MIR2052HG: variants seen among roughly 807,000 people sequenced by gnomAD.
The protein encoded by MIR2052HG is MIR2052 host gene.
intron 4 of MIR2052HG, chr8:74,703,761 C>G: frequency 2.5e-6 from 1 of 398,900 alleles, no homozygotes; most frequent in Non-Finnish European, 5.0e-6. Context: ...GGTCCCCTTT[C>G]ATACCACCAT....
intron 1 of MIR2052HG, among the ~76,000 whole-genome samples, chr8:74,602,278 A>G (rs1808011585): frequency 1.3e-5 from 2 of 152,216 alleles, no homozygotes; most frequent in South Asian, 2.1e-4. Context: ...TTAGCATGCT[A>G]AAAGATACTC....
At chr8:74,726,910 T>C (rs1173004902) in intron 4 of MIR2052HG, among the ~76,000 whole-genome samples, 2 of 152,336 alleles carry the variant, frequency 1.3e-5, no homozygotes, top group Non-Finnish European at 2.9e-5. Flanking sequence ...CAACTCATAT[T>C]TTTATTAGTT....
At chr8:74,644,930 G>C (rs1480568713) in intron 2 of MIR2052HG, among the ~76,000 whole-genome samples, 1 of 151,964 alleles carries the variant, frequency 6.6e-6, no homozygotes, top group Non-Finnish European at 1.5e-5. Flanking sequence ...AAAAACAAAA[G>C]CAAACTAACA....
At chr8:74,702,998 C>T (rs1053281371) in intron 3 of MIR2052HG, among the ~76,000 whole-genome samples, 5 of 151,956 alleles carry the variant, frequency 3.3e-5, no homozygotes, top group Non-Finnish European at 5.9e-5. Flanking sequence ...AGTTCTGCAA[C>T]GTTTTGGATG....
chr8:74,602,043 A>G (rs553438201), intron 1 of MIR2052HG, among the ~76,000 whole-genome samples: 4 of 152,260 alleles, frequency 2.6e-5, no homozygotes, highest in East Asian at 3.9e-4. Flanking sequence ...GTCTGGGTAA[A>G]ATGAGACTGA....
At chr8:74,643,560 T>C (rs1808662161) in intron 2 of MIR2052HG, among the ~76,000 whole-genome samples, 1 of 152,212 alleles carries the variant, frequency 6.6e-6, no homozygotes, top group Non-Finnish European at 1.5e-5. Context: ...CCCAAAATGT[T>C]TTATTCTCTA....
chr8:74,754,666 C>T (rs751937047), intron 5 of MIR2052HG, among the ~76,000 whole-genome samples: 1 of 152,064 alleles, frequency 6.6e-6, no homozygotes, highest in Non-Finnish European at 1.5e-5. Flanking sequence ...GTGATGAAGG[C>T]GAGAAAGAGA....
At chr8:74,620,948 C>G (rs558274939) in intron 2 of MIR2052HG, among the ~76,000 whole-genome samples, 1 of 152,292 alleles carries the variant, frequency 6.6e-6, no homozygotes, top group African/African-American at 2.4e-5. Flanking sequence ...AACACTTTGC[C>G]ACTTAGAAAT....
intron 2 of MIR2052HG, among the ~76,000 whole-genome samples, chr8:74,690,477 C>G (rs918420766): frequency 1.3e-5 from 2 of 151,832 alleles, no homozygotes; most frequent in Non-Finnish European, 2.9e-5. Flanking sequence ...AACCCCGTCT[C>G]TACTAAAAAT....
Position 74,625,646 on chromosome 8 carries a change from C to T in MIR2052HG, n.216+12706C>T, listed in dbSNP as rs115500057. ...ATCTGTCCAAAATTCCAATAGATGC[C>T]ATTATCAAGAAATTGTTTACCCAAA... On this transcript the variant is annotated intron_variant and non_coding_transcript_variant, in intron 2 of 6. Coordinates refer to ENST00000523442, the Ensembl canonical transcript of MIR2052HG. Among the ~76,000 whole-genome samples, 1,279 of 152,178 alleles carry T rather than the reference C, an allele frequency of 8.4e-3. 14 individuals are homozygous for T. Among genetic ancestry groups the T allele is most frequent in the African/African-American group, 0.029 (1,196 of 41,526 alleles).
At chr8:74,748,214 C>T (rs567803923) in intron 4 of MIR2052HG, among the ~76,000 whole-genome samples, 1 of 152,298 alleles carries the variant, frequency 6.6e-6, no homozygotes, top group South Asian at 2.1e-4. Flanking sequence ...TGGCACTTTG[C>T]CTATGACTTG....
At chr8:74,603,234 G>T in intron 1 of MIR2052HG, 1 of 1,273,758 alleles carries the variant, frequency 7.9e-7, no homozygotes, top group Non-Finnish European at 1.1e-6. Context: ...TACACAGATG[G>T]ATCATGGGTG....
rs375702436 is a variant in MIR2052HG, at chr8:74,712,476, A to G, written n.371+8794A>G. Among the ~76,000 whole-genome samples the G allele has an allele frequency of 5.6e-4, 85 of 152,320 alleles. 1 individual carries two copies. In the East Asian group the frequency reaches 7.5e-3, roughly 13 times the overall value. ...GGAATATCTTATATTTAGTTTTAAT[A>G]TCTCTCTTGAGTAGGCAGGGGAAGT... On this transcript the variant is annotated intron_variant and non_coding_transcript_variant, in intron 4 of 6. Coordinates refer to ENST00000523442, the Ensembl canonical transcript of MIR2052HG.
chr8:74,644,499 C>T (rs1808670982), intron 2 of MIR2052HG, among the ~76,000 whole-genome samples: 1 of 152,134 alleles, frequency 6.6e-6, no homozygotes, highest in Non-Finnish European at 1.5e-5. Context: ...GACAAAATCA[C>T]CTATCAATGC....
chr8:74,743,175 C>T (rs1439306789), intron 4 of MIR2052HG, among the ~76,000 whole-genome samples: 1 of 151,408 alleles, frequency 6.6e-6, no homozygotes, highest in Non-Finnish European at 1.5e-5. Context: ...AGACTAAAAA[C>T]CACCTTAAAA....
At chr8:74,692,557 A>T (rs1377568338) in intron 2 of MIR2052HG, among the ~76,000 whole-genome samples, 1 of 152,190 alleles carries the variant, frequency 6.6e-6, no homozygotes, top group Non-Finnish European at 1.5e-5. Context: ...ACTGAAACAC[A>T]CTACTAGAAT....
intron 2 of MIR2052HG, among the ~76,000 whole-genome samples, chr8:74,629,350 T>G (rs951834652): frequency 1.3e-5 from 2 of 152,150 alleles, no homozygotes; most frequent in East Asian, 3.9e-4. Flanking sequence ...CATTAGAACT[T>G]TCAAAGTGAT....
intron 2 of MIR2052HG, among the ~76,000 whole-genome samples, chr8:74,678,701 A>G (rs968488357): frequency 3.9e-5 from 6 of 152,042 alleles, no homozygotes; most frequent in South Asian, 4.1e-4. Context: ...TAGAATGGTT[A>G]TAGAAGACAG....
intron 4 of MIR2052HG, among the ~76,000 whole-genome samples, chr8:74,713,615 A>G (rs1809491550): frequency 1.3e-5 from 2 of 152,118 alleles, no homozygotes; most frequent in African/African-American, 4.8e-5. Context: ...CAGTGCATAG[A>G]ACACTGATAC....
Sources: gnomAD v4.1 joint callset for allele counts (sites outside exome capture counted in the v4.1 genomes callset) on GRCh38, gnomAD v4.1.1 for gene constraint, MANE v1.5 for transcripts, NCBI Gene and HGNC (gene_info 2026-07-23, HGNC 2026-07-21) for gene names.